The following COG7 variants were observed in gnomAD, a reference collection of about 807,000 sequenced individuals.
COG7 encodes component of oligomeric golgi complex 7.
Under a neutral mutation model 91.5 loss-of-function variants are expected in COG7, and 49 were observed. That is an observed-to-expected ratio of 0.54 (90% CI 0.43 to 0.68). COG7 has a LOEUF of 0.68. COG7 is among the 30% of genes least tolerant of loss of function. The pLI, the probability that COG7 is intolerant of heterozygous loss-of-function variation, is 0.00. For synonymous variants in COG7, 365 were observed against 388.7 expected, an observed-to-expected ratio of 0.94 and a Z score of 0.72; for missense variants, 895 against 961.3, an observed-to-expected ratio of 0.93 and a Z score of 0.91.
intron 1 of COG7, among the ~76,000 whole-genome samples, chr16:23,447,616 C>A (rs902561287): frequency 6.6e-6 from 1 of 151,838 alleles, no homozygotes; most frequent in Non-Finnish European, 1.5e-5. Context: ...AAAATAAAAT[C>A]CCTGGCCAGG....
intron 1 of COG7, among the ~76,000 whole-genome samples, chr16:23,450,277 C>T (rs919747450): frequency 6.6e-6 from 1 of 151,996 alleles, no homozygotes; most frequent in Non-Finnish European, 1.5e-5. Flanking sequence ...TCCTCTTTGC[C>T]CTACAAAGTT....
rs180946774 is a variant in COG7, at chr16:23,425,203, G to A, written c.811-256C>T. Among the ~76,000 whole-genome samples, 72 of 152,250 alleles carry A rather than the reference G, an allele frequency of 4.7e-4. 1 individual carries two copies. The highest frequency in any genetic ancestry group is 1.4e-3 in the African/African-American group (57 of 41,558). ...CGCATGCCTGTAATCCCACCTATTCGGGAAGCAGAGGCAGGAGAATCACTT... is the reference window on the plus strand; with the variant it reads ...CGCATGCCTGTAATCCCACCTATTCAGGAAGCAGAGGCAGGAGAATCACTT... On this transcript the variant is annotated intron_variant, in intron 6 of 16. Coordinates refer to ENST00000307149, the MANE Select transcript of COG7 (RefSeq NM_153603.4).
intron 6 of COG7, among the ~76,000 whole-genome samples, chr16:23,426,843 A>G (rs1963856527): frequency 1.8e-5 from 2 of 110,712 alleles, no homozygotes; most frequent in East Asian, 3.4e-4. Flanking sequence ...AAAAAGAAAG[A>G]AAGAAAGAAA....
intron 11 of COG7, among the ~76,000 whole-genome samples, chr16:23,408,685 G>C (rs39815): frequency 0.19 from 28,754 of 151,746 alleles, 2,805 homozygotes; most frequent in East Asian, 0.29. Flanking sequence ...CAGAAATTGC[G>C]TGACTTTCGG....
chr16:23,425,887 C>T (rs1193021865), intron 6 of COG7, among the ~76,000 whole-genome samples: 1 of 152,132 alleles, frequency 6.6e-6, no homozygotes, highest in Non-Finnish European at 1.5e-5. Flanking sequence ...ATTCATGTGG[C>T]ATTTTTTTGA....
intron 2 of COG7, among the ~76,000 whole-genome samples, chr16:23,445,388 C>A (rs976519802): frequency 6.6e-6 from 1 of 152,140 alleles, no homozygotes; most frequent in Non-Finnish European, 1.5e-5. Context: ...CACAGTGGCT[C>A]ACGCCTGTAA....
At chr16:23,440,036 G>A (rs886834584) in intron 4 of COG7, among the ~76,000 whole-genome samples, 1 of 149,150 alleles carries the variant, frequency 6.7e-6, no homozygotes, top group Non-Finnish European at 1.5e-5. Context: ...ATCACTTTAG[G>A]CCAGGAGTTC....
intron 10 of COG7, among the ~76,000 whole-genome samples, chr16:23,411,257 C>A (rs1481058022): frequency 1.3e-5 from 2 of 152,166 alleles, no homozygotes; most frequent in African/African-American, 4.8e-5. Context: ...TCCTTCAACA[C>A]CAAACTCATA....
intron 6 of COG7, among the ~76,000 whole-genome samples, chr16:23,427,573 C>G (rs570511191): frequency 6.6e-6 from 1 of 152,206 alleles, no homozygotes; most frequent in South Asian, 2.1e-4. Context: ...GGATGCGTCA[C>G]TCTCACTTGG....
At chr16:23,399,320 T>G (rs1304061675) in intron 13 of COG7, among the ~76,000 whole-genome samples, 1 of 151,810 alleles carries the variant, frequency 6.6e-6, no homozygotes, top group Non-Finnish European at 1.5e-5. Context: ...TGTTCTTGCC[T>G]GCGAATGCTC....
intron 5 of COG7, 46 bp from the exon 6 acceptor site, chr16:23,433,713 G>C (rs768717629): frequency 6.2e-7 from 1 of 1,611,606 alleles, no homozygotes; most frequent in Non-Finnish European, 8.5e-7. Context: ...CGTCAACATA[G>C]GTTGCCTGTG....
intron 1 of COG7, among the ~76,000 whole-genome samples, chr16:23,449,805 G>A (rs1489982583): frequency 6.6e-6 from 1 of 151,570 alleles, no homozygotes; most frequent in Non-Finnish European, 1.5e-5. Context: ...GTTCCTGAGG[G>A]CAGGAACAAG....
intron 4 of COG7, among the ~76,000 whole-genome samples, chr16:23,440,372 C>CA (rs765438790): frequency 0.014 from 1,045 of 76,018 alleles, 7 homozygotes; most frequent in African/African-American, 0.042. Flanking sequence ...GACTCCATCT[C>CA]AAAAAAAAAA....
At chr16:23,405,962 G>T in intron 12 of COG7, 114 bp downstream of exon 12, 1 of 886,374 alleles carries the variant, frequency 1.1e-6, no homozygotes, top group Non-Finnish European at 1.9e-6. Context: ...TAGTAGCAGG[G>T]TACGTCACAG....
At chr16:23,431,065 T>A (rs1019576048) in intron 6 of COG7, among the ~76,000 whole-genome samples, 1 of 152,054 alleles carries the variant, frequency 6.6e-6, no homozygotes, top group Non-Finnish European at 1.5e-5. Context: ...TAAGATGGAT[T>A]AATGAACAGA....
chr16:23,408,933 T>C (rs1963513734), intron 11 of COG7, among the ~76,000 whole-genome samples: 1 of 151,688 alleles, frequency 6.6e-6, no homozygotes, highest in African/African-American at 2.4e-5. Flanking sequence ...CTGGCTGAGC[T>C]TCAAGTCAAG....
chr16:23,403,792 C>T lies in COG7; in HGVS notation c.1705G>A (p.Ala569Thr). 1 of 1,614,244 alleles carries T rather than the reference C, an allele frequency of 6.2e-7. No homozygotes were observed. Among genetic ancestry groups the T allele is most frequent in the Non-Finnish European group, 8.5e-7 (1 of 1,180,048 alleles). ...SNHNLLAAPR[A>T]ALTRLNQQAH... is the part of the protein sequence containing the mutation. ...TGCTGGTTAAGCCGAGTCAGCGCTG[C>T]TCGAGGTGCAGCCAGCAGGTTGTGG... Residue 569 changes from alanine to threonine, a missense_variant, in exon 13 of 17, where the codon GCA (alanine) becomes ACA (threonine). Transcript: ENST00000307149.
In COG7 at chr16:23,410,293, A is replaced by C. The variant is rs771263087; in HGVS notation, c.1475+2T>G. The C allele has an allele frequency of 6.2e-7, 1 of 1,613,574 alleles. No individual in the cohort carries two copies. The highest frequency in any genetic ancestry group is 2.2e-5 in the East Asian group (1 of 44,872). On this transcript the variant is annotated splice_donor_variant, in intron 11 of 16. Transcript: ENST00000307149. LOFTEE classifies it high-confidence loss of function. ...TAGAGGACAATGACTCCTCTCTCCT[A>C]CCTGTTGGCTAGCTGCTGCTCGAAG...
At chr16:23,449,231 C>T (rs1487294599) in intron 1 of COG7, among the ~76,000 whole-genome samples, 10 of 151,728 alleles carry the variant, frequency 6.6e-5, no homozygotes, top group African/African-American at 1.5e-4. Flanking sequence ...GGCGTGGTGG[C>T]GGGCGCCTGT....
Sources: gnomAD v4.1 joint callset for allele counts (sites outside exome capture counted in the v4.1 genomes callset) on GRCh38, gnomAD v4.1.1 for gene constraint, MANE v1.5 for transcripts, NCBI Gene and HGNC (gene_info 2026-07-23, HGNC 2026-07-21) for gene names.